Variants in ZNF268 observed in about 807,000 individuals in gnomAD.
ZNF268 encodes zinc finger protein 3.
ZNF268 carries 20 observed loss-of-function variants against 29.3 expected under a neutral mutation model. That is an observed-to-expected ratio of 0.68 (90% CI 0.48 to 0.99). The LOEUF (loss-of-function observed/expected upper bound fraction) is 0.99. Ranked by LOEUF, ZNF268 falls within the 50% of genes least tolerant of loss-of-function variation. The probability of loss-of-function intolerance (pLI) is 0.00; values close to 1 mark genes in which losing one functional copy is unlikely to be tolerated. For synonymous variants in ZNF268, 429 were observed against 376.9 expected (o/e 1.14, Z -1.60); for missense variants, 1,240 against 1,121.6 (o/e 1.11, Z -1.51).
intron 2 of ZNF268, among the ~76,000 whole-genome samples, chr12:133,184,957 G>A (rs61960667): frequency 0.18 from 27,963 of 152,082 alleles, 3,308 homozygotes; most frequent in Non-Finnish European, 0.26. Flanking sequence ...GCCAAGGTGG[G>A]CAGATCATCT....
intron 2 of ZNF268, chr12:133,184,717 A>G (rs541557339): frequency 3.5e-5 from 16 of 450,890 alleles, no homozygotes; most frequent in South Asian, 2.2e-4. Flanking sequence ...CCCGAGTTCA[A>G]GTGGTTCTCT....
At chr12:133,191,636 G>A (rs369637072) in intron 4 of ZNF268, 21 bp downstream of exon 4, 32 of 1,612,238 alleles carry the variant, frequency 2.0e-5, no homozygotes, top group Non-Finnish European at 2.4e-5. Flanking sequence ...CCTCCCTGAG[G>A]AGGAGTGTGC....
Position 133,191,964 on chromosome 12 carries a change from T to C in ZNF268, c.418T>C (p.Cys140Arg), listed in dbSNP as rs1239872544. Residue 140 changes from cysteine (C) to arginine (R), a missense_variant, in exon 5 of 6, where the codon TGT (cysteine) becomes CGT (arginine). By Grantham distance (180) the Cys-to-Arg change is radical. This residue lies in a region of ZNF268 where 1,177 missense variants were observed against 1,039.6 expected (regional missense o/e 1.13). Transcript: ENST00000536435. ...IFKLEQGEEL[C>R]MVQAQVPNQT... ...CAAGTTGGAACAAGGAGAAGAGCTG[T>C]GTATGGTGCAGGCCCAAGTTCCAAA... The C allele has an allele frequency of 2.5e-6, 4 of 1,614,032 alleles. No homozygotes were observed. In the African/African-American group the frequency reaches 5.3e-5, roughly 22 times the overall value.
chr12:133,181,972 C>G lies in ZNF268; in HGVS notation c.-26C>G, dbSNP rs556570024. The G allele has an allele frequency of 1.3e-6, 2 of 1,560,054 alleles. No individual in the cohort carries two copies. The highest frequency in any genetic ancestry group is 2.7e-5 in the African/African-American group (2 of 73,548). The stretch of plus-strand genomic sequence containing the variant: ...ATCCCTCGCGTCCTGTCACTTCCAG[C>G]GAGGCACACAAAACTGACCGTAGGG... On this transcript the variant is annotated 5_prime_UTR_variant, in exon 2 of 6. Transcript: ENST00000536435.
At chr12:133,191,382 A>G in intron 3 of ZNF268, 107 bp from the exon 4 acceptor site, 1 of 1,328,594 alleles carries the variant, frequency 7.5e-7, no homozygotes, top group Non-Finnish European at 1.1e-6. Context: ...TTTCAATACA[A>G]TTTTTGTTCT....
In ZNF268 at chr12:133,203,164, G is replaced by A. The variant is rs369587420; in HGVS notation, c.1478G>A (p.Ser493Asn). 356 of 1,537,586 alleles carry A rather than the reference G, an allele frequency of 2.3e-4. 1 individual carries two copies. The highest frequency in any genetic ancestry group is 3.3e-4 in the Middle Eastern group (2 of 5,990). ...LKSQLIVHQR[S>N]HTGMKPYVCN... ...TCACAGCTCATTGTACATCAGAGAA[G>A]TCACACAGGAATGAAACCTTATGTA... is the stretch of plus-strand genomic sequence containing the variant. Residue 493 changes from serine (S) to asparagine (N), a missense_variant, in exon 6 of 6, where the codon AGT becomes AAT. By Grantham distance (46) the Ser-to-Asn change is conservative (BLOSUM62 1). Coordinates refer to ENST00000536435, the MANE Select transcript of ZNF268 (RefSeq NM_003415.3).
intron 5 of ZNF268, among the ~76,000 whole-genome samples, chr12:133,199,729 A>T (rs1956704428): frequency 6.6e-6 from 1 of 152,226 alleles, no homozygotes. Flanking sequence ...TTATTGGTCT[A>T]TTCAGAGAGT....
In ZNF268 at chr12:133,193,605, C is replaced by T. The variant is rs74543675; in HGVS notation, c.457+1602C>T. 3.4e-3 allele frequency: 1,847 copies of T among 542,396 alleles called. 26 individuals carry two copies. The highest frequency in any genetic ancestry group is 0.031 in the African/African-American group (1,617 of 52,778). The allele number at this position is 542,396 out of a possible 1,614,324, so 33.6% of individuals were successfully genotyped here. A position where few individuals can be genotyped will look rare whatever the true frequency, so the allele number is the denominator to read the frequency against. ...TCATTCCCTCAAGCCCTTTTAGAAA[C>T]GACTAATCCATTCATGAGGGCACAA... On this transcript the variant is annotated intron_variant, in intron 5 of 5. Coordinates refer to ENST00000536435, the MANE Select transcript of ZNF268 (RefSeq NM_003415.3).
chr12:133,201,650 A>ACTAGGT (rs1383331318), intron 5 of ZNF268, among the ~76,000 whole-genome samples: 2 of 152,036 alleles, frequency 1.3e-5, no homozygotes, highest in Non-Finnish European at 2.9e-5. Flanking sequence ...TTATCCATTT[A>ACTAGGT]CTAGGTATTG....
chr12:133,201,549 C>G (rs1472951816), intron 5 of ZNF268, among the ~76,000 whole-genome samples: 1 of 151,968 alleles, frequency 6.6e-6, no homozygotes, highest in African/African-American at 2.4e-5. Context: ...TTGTAGAAAG[C>G]TTTGTTTTTG....
Position 133,203,065 on chromosome 12 carries a change from T to G in ZNF268, c.1379T>G (p.Ile460Ser), listed in dbSNP as rs370581585. 6.5e-7 allele frequency: 1 copy of G among 1,538,236 alleles called. No individual in the cohort carries two copies. The highest frequency in any genetic ancestry group is 8.7e-7 in the Non-Finnish European group (1 of 1,147,234). ...GCCTTTACATTCAAGTCACAGCTCATTGTACATCAGGGGATTCACACAGGA... is the reference window on the plus strand; with the variant it reads ...GCCTTTACATTCAAGTCACAGCTCAGTGTACATCAGGGGATTCACACAGGA... ...GKAFTFKSQL[I>S]VHQGIHTGVK... is the part of the protein sequence containing the mutation. Residue 460 changes from isoleucine (I) to serine (S), a missense_variant, in exon 6 of 6, where the codon ATT becomes AGT. Ile to Ser is a moderately radical substitution (Grantham distance 142). Transcript: ENST00000536435.
intron 5 of ZNF268, chr12:133,193,649 C>G (rs1434065430): frequency 6.6e-6 from 3 of 455,154 alleles, no homozygotes; most frequent in African/African-American, 2.0e-5. Flanking sequence ...TCTCTTAATA[C>G]CACCACAATG....
chr12:133,203,729 C>A lies in ZNF268; in HGVS notation c.2043C>A (p.Ser681=). 6.4e-7 allele frequency: 1 copy of A among 1,550,610 alleles called. No homozygotes were observed. Among genetic ancestry groups the A allele is most frequent in the Non-Finnish European group, 8.7e-7 (1 of 1,154,410 alleles). Residue 681 remains serine (S), a synonymous_variant, in exon 6 of 6, where the codon TCC becomes TCA. Transcript: ENST00000536435. The part of the protein sequence containing the change: ...SQCAKTFSLK[S]QLIVHQRSHT... ...GTGCAAAAACCTTTAGTTTGAAGTC[C>A]CAGCTCATTGTACATCAGAGAAGTC...
chr12:133,195,242 A>G (rs1272250466), intron 5 of ZNF268, among the ~76,000 whole-genome samples: 1 of 152,130 alleles, frequency 6.6e-6, no homozygotes, highest in Non-Finnish European at 1.5e-5. Context: ...TCGTTGGGGA[A>G]ATGGCTTTTC....
rs911946888 is a variant in ZNF268 at position 133,206,974 on chromosome 12, T to C, written c.*2444T>C. ...GATTTTAGTTTGTTGTTTTTTCAGA[T>C]GCAAATCTACATGCAGCCTTGCCTG... On this transcript the variant is annotated 3_prime_UTR_variant, in exon 6 of 6. Transcript: ENST00000536435. 6.6e-6 allele frequency: 1 copy of C among 152,254 alleles called. No individual in the cohort carries two copies. The highest frequency in any genetic ancestry group is 1.5e-5 in the Non-Finnish European group (1 of 68,052). 9.4% of individuals were successfully genotyped at this position (152,254 alleles called of 1,614,324 possible).
rs1442546256 is a variant in ZNF268 at position 133,205,872 on chromosome 12, T to C, written c.*1342T>C. On this transcript the variant is annotated 3_prime_UTR_variant, in exon 6 of 6. Coordinates refer to ENST00000536435, the MANE Select transcript of ZNF268 (RefSeq NM_003415.3). ...ACTTGGCATGAGCACTATGGTCAGCTGAGGCTCAGAACTGTACATTGTTAA... is the reference window on the plus strand; with the variant it reads ...ACTTGGCATGAGCACTATGGTCAGCCGAGGCTCAGAACTGTACATTGTTAA... 1 of 152,218 alleles carries C rather than the reference T, an allele frequency of 6.6e-6. No homozygotes were observed. Among genetic ancestry groups the C allele is most frequent in the Non-Finnish European group, 1.5e-5 (1 of 68,044 alleles). The allele number at this position is 152,218 out of a possible 1,614,324, so 9.4% of individuals were successfully genotyped here.
chr12:133,212,842 C>A lies in ZNF268; in HGVS notation c.*8312C>A, dbSNP rs868078487. On this transcript the variant is annotated 3_prime_UTR_variant, in exon 6 of 6. Transcript: ENST00000536435. ...GTAGCTGGAACTACAGGTGCCACTA[C>A]ACCCAAATAGTTTTTTGGTTTTTTT... 3.3e-5 allele frequency: 5 copies of A among 152,278 alleles called. No homozygotes were observed. The South Asian group carries it at 8.3e-4, about 25-fold the overall frequency. The allele number at this position is 152,278 out of a possible 1,614,324, so 9.4% of individuals were successfully genotyped here.
intron 5 of ZNF268, among the ~76,000 whole-genome samples, chr12:133,195,922 A>C (rs899070778): frequency 6.6e-6 from 1 of 150,996 alleles, no homozygotes; most frequent in African/African-American, 2.4e-5. Flanking sequence ...CATGTTGATC[A>C]GGCTGGTCTC....
rs747651425 is a variant in ZNF268, at chr12:133,210,820, C to T, written c.*6290C>T. 4 of 455,984 alleles carry T rather than the reference C, an allele frequency of 8.8e-6. No individual in the cohort carries two copies. Among genetic ancestry groups the T allele is most frequent in the South Asian group, 4.6e-5 (3 of 64,556 alleles). 28.2% of individuals were successfully genotyped at this position (455,984 alleles called of 1,614,324 possible). ...AGGCCTGGTCCTCTGTGGATTCAAC[C>T]CAGAGGTCTGTGAGCAGAATGCAGG... On this transcript the variant is annotated 3_prime_UTR_variant, in exon 6 of 6. Transcript: ENST00000536435.
Sources: allele counts gnomAD v4.1 joint callset (sites outside exome capture counted in the v4.1 genomes callset), GRCh38; gene constraint gnomAD v4.1.1; regional missense constraint gnomAD v4.1.1; transcripts MANE v1.5; gene names NCBI Gene and HGNC (gene_info 2026-07-23, HGNC 2026-07-21).